Variants in VWA3B observed in about 807,000 individuals in gnomAD.
VWA3B encodes the protein von Willebrand factor A domain-containing protein 3B.
In VWA3B, 138 loss-of-function variants were observed where a neutral mutation model predicts 158.3. The observed-to-expected ratio is 0.87, with a 90% CI of 0.76 to 1.00. VWA3B has a LOEUF of 1.00. Among genes scored for constraint, VWA3B ranks in the 50% least tolerant of loss-of-function variants. The pLI is 0.00. For synonymous variants in VWA3B, 596 were observed against 587.3 expected (o/e 1.01, Z -0.21); for missense variants, 1,555 against 1,565.1 (o/e 0.99, Z 0.11).
At chr2:98,192,820 G>A in intron 10 of VWA3B, 78 bp from the exon 11 acceptor site, 1 of 1,588,694 alleles carries the variant, frequency 6.3e-7, no homozygotes, top group Non-Finnish European at 8.6e-7. Flanking sequence ...CTCTGCAGAT[G>A]CATCGTTAAG....
chr2:98,223,882 C>T (rs1487668664), intron 14 of VWA3B, among the ~76,000 whole-genome samples: 1 of 152,028 alleles, frequency 6.6e-6, no homozygotes, highest in Non-Finnish European at 1.5e-5. Flanking sequence ...AGGCGTGTGC[C>T]ACCATGCGTG....
At chr2:98,091,261 T>C (rs563292645) in intron 1 of VWA3B, among the ~76,000 whole-genome samples, 1 of 152,222 alleles carries the variant, frequency 6.6e-6, no homozygotes, top group Admixed American at 6.5e-5. Context: ...CCTGCTTTTC[T>C]CACTGGCTGT....
intron 15 of VWA3B, among the ~76,000 whole-genome samples, chr2:98,229,303 C>T (rs115381184): frequency 0.012 from 1,849 of 152,318 alleles, 14 homozygotes; most frequent in Non-Finnish European, 0.02. Flanking sequence ...CAGTCTGGTT[C>T]CTTCTGCTGT....
intron 8 of VWA3B, among the ~76,000 whole-genome samples, chr2:98,166,074 C>T (rs986905328): frequency 3.3e-5 from 5 of 152,074 alleles, no homozygotes; most frequent in African/African-American, 7.2e-5. Flanking sequence ...TGGTGGCTCA[C>T]GCCTGTAATC....
intron 2 of VWA3B, among the ~76,000 whole-genome samples, 187 bp from the exon 3 acceptor site, chr2:98,115,465 A>C (rs1002694986): frequency 6.6e-6 from 1 of 152,256 alleles, no homozygotes; most frequent in Non-Finnish European, 1.5e-5. Context: ...TTACAATGCC[A>C]TAGACAGTTA....
chr2:98,243,910 A>C (rs1232687036), intron 19 of VWA3B, among the ~76,000 whole-genome samples: 1 of 152,214 alleles, frequency 6.6e-6, no homozygotes, highest in East Asian at 1.9e-4. Flanking sequence ...CCAATCTGGT[A>C]GGAAGCTCTG....
chr2:98,162,723 G>A lies in VWA3B; in HGVS notation c.989-128G>A, dbSNP rs184583898. ...TCTGATTCTCAGAAAGAGATTAGTGGGGGAAGCGGAATTTGATGTTCAGAA... is the reference window on the plus strand; with the variant it reads ...TCTGATTCTCAGAAAGAGATTAGTGAGGGAAGCGGAATTTGATGTTCAGAA... On this transcript the variant is annotated intron_variant, in intron 7 of 27. Transcript: ENST00000477737. 20 of 1,301,958 alleles carry A rather than the reference G, an allele frequency of 1.5e-5. No individual in the cohort carries two copies. The East Asian group carries it at 4.6e-4, about 30-fold the overall frequency. 80.7% of individuals were successfully genotyped at this position (1,301,958 alleles called of 1,614,324 possible).
At position 98,192,967 on chromosome 2, in the gene VWA3B, C is replaced by T; in HGVS notation, c.1536C>T (p.Leu512=). The T allele has an allele frequency of 1.2e-6, 2 of 1,614,182 alleles. No homozygotes were observed. Among genetic ancestry groups the T allele is most frequent in the Non-Finnish European group, 1.7e-6 (2 of 1,180,022 alleles). The change falls in exon 11 of 28, where the codon CTC becomes CTT. Residue 512 remains leucine, a synonymous_variant. Coordinates refer to ENST00000477737, the MANE Select transcript of VWA3B (RefSeq NM_144992.5). ...GRLHNDCIYI[L]IDTSHSMKSK... The stretch of plus-strand genomic sequence containing the variant: ...TGCATAATGATTGCATCTACATTCT[C>T]ATTGACACGTCTCACTCAATGAAGA...
chr2:98,260,353 C>T (rs1687405822), intron 21 of VWA3B, among the ~76,000 whole-genome samples: 1 of 151,434 alleles, frequency 6.6e-6, no homozygotes, highest in Non-Finnish European at 1.5e-5. Context: ...TTGGCCCCTC[C>T]ATGTATTTGG....
rs570334103 is a variant in VWA3B at position 98,216,256 on chromosome 2, T to G, written c.1837-1590T>G. 5.6e-4 allele frequency among the ~76,000 whole-genome samples: 85 copies of G among 152,360 alleles called. 1 individual carries two copies. The highest frequency in any genetic ancestry group is 2.0e-3 in the African/African-American group (82 of 41,578). On this transcript the variant is annotated intron_variant, in intron 13 of 27. Coordinates refer to ENST00000477737, the MANE Select transcript of VWA3B (RefSeq NM_144992.5). ...CGTTAAAAGGGAATCATATACACAT[T>G]GGATAAGTGTCCTTTGGTGGGCATC... is the stretch of plus-strand genomic sequence containing the variant.
At chr2:98,172,532 C>T (rs1364291222) in intron 8 of VWA3B, among the ~76,000 whole-genome samples, 1 of 152,148 alleles carries the variant, frequency 6.6e-6, no homozygotes, top group African/African-American at 2.4e-5. Context: ...AAAACAGAAA[C>T]GCATGTCCCC....
At chr2:98,180,086 C>CTCTT (rs57697305) in intron 8 of VWA3B, among the ~76,000 whole-genome samples, 1,766 of 144,430 alleles carry the variant, frequency 0.012, 43 homozygotes, top group African/African-American at 0.043. Flanking sequence ...CTTTCTTTCT[C>CTCTT]TCTTTCTTTC....
rs200169150 is a variant in VWA3B, at chr2:98,228,362, C to A, written c.2150+30C>A. 14 of 1,597,598 alleles carry A rather than the reference C, an allele frequency of 8.8e-6. No homozygotes were observed. The African/African-American group carries it at 1.6e-4, about 18-fold the overall frequency. On this transcript the variant is annotated intron_variant, in intron 15 of 27. Transcript: ENST00000477737. ...GCACCTCTGCCCGCCTGTCTCCCTG[C>A]GCTGAGGCCTCTTGAGAGCTGGGCT...
At chr2:98,098,778 C>A (rs6720585) in intron 2 of VWA3B, among the ~76,000 whole-genome samples, 24,399 of 151,972 alleles carry the variant, frequency 0.16, 3,426 homozygotes, top group South Asian at 0.57. Flanking sequence ...TTTAGTGGAT[C>A]CTTTTTTTGT....
chr2:98,293,056 C>A (rs181478819), intron 23 of VWA3B, among the ~76,000 whole-genome samples: 315 of 152,088 alleles, frequency 2.1e-3, no homozygotes, highest in African/African-American at 7.2e-3. Flanking sequence ...GCTAGGGCCC[C>A]GGGAAAATGT....
chr2:98,186,596 A>ACTC (rs781454770), intron 9 of VWA3B, among the ~76,000 whole-genome samples: 3 of 145,532 alleles, frequency 2.1e-5, no homozygotes, highest in Non-Finnish European at 3.0e-5. Flanking sequence ...GTCATTCCTG[A>ACTC]CTCCTCTCTT....
chr2:98,106,821 T>C (rs1348263026), intron 2 of VWA3B, among the ~76,000 whole-genome samples: 2 of 152,114 alleles, frequency 1.3e-5, no homozygotes, highest in African/African-American at 4.8e-5. Context: ...AAAAGTCTTA[T>C]TTCTTTCTTT....
chr2:98,103,316 T>C (rs1196373847), intron 2 of VWA3B, among the ~76,000 whole-genome samples: 3 of 152,190 alleles, frequency 2.0e-5, no homozygotes, highest in Non-Finnish European at 4.4e-5. Context: ...TATTTATTTC[T>C]TTCTGCTTAC....
At chr2:98,315,709 G>A (rs561118253), downstream of VWA3B, among the ~76,000 whole-genome samples, 102 of 152,260 alleles carry the variant, frequency 6.7e-4, no homozygotes, top group Non-Finnish European at 1.3e-3. Flanking sequence ...TGGATGGGTT[G>A]TAGCCAACAA....
Sources: gnomAD v4.1 joint callset for allele counts (sites outside exome capture counted in the v4.1 genomes callset) on GRCh38, gnomAD v4.1.1 for gene constraint, MANE v1.5 for transcripts, NCBI Gene and HGNC (gene_info 2026-07-23, HGNC 2026-07-21) for gene names.